NR3C2: variants seen among roughly 807,000 people sequenced by gnomAD.
NR3C2 encodes mineralocorticoid receptor.
NR3C2 carries 15 observed loss-of-function variants against 86.4 expected under a neutral mutation model. The ratio of observed to expected loss-of-function variants is 0.17; its 90% CI spans 0.12 to 0.27. NR3C2 has a LOEUF of 0.27. NR3C2 is among the 10% of genes least tolerant of loss of function. The pLI is 1.00. For missense variants in NR3C2, 960 were observed against 1,195.6 expected (o/e 0.80, Z 2.91); for synonymous variants, 458 against 450.5 (o/e 1.02, Z -0.21).
In NR3C2 at chr4:148,260,109, A is replaced by G; in HGVS notation, c.1766T>C (p.Leu589Ser). ...YIPENVSSST[L>S]RSVSTGSSRP... ...TGAAGATCCAGTAGAAACACTTCGT[A>G]AAGTAGAGCTGGGGAAAGAAATTGA... The change falls in exon 3 of 9, where the codon TTA becomes TCA. Residue 589 changes from leucine to serine, a missense_variant. By Grantham distance (145) the Leu-to-Ser change is moderately radical. This residue lies in a region of NR3C2 where 680 missense variants were observed against 719.0 expected (regional missense o/e 0.95). Coordinates refer to ENST00000358102, the MANE Select transcript of NR3C2 (RefSeq NM_000901.5). 2 of 1,614,062 alleles carry G rather than the reference A, an allele frequency of 1.2e-6. No homozygotes were observed. Among genetic ancestry groups the G allele is most frequent in the African/African-American group, 1.3e-5 (1 of 75,060 alleles).
At chr4:148,124,675 C>T (rs1732665358) in intron 6 of NR3C2, among the ~76,000 whole-genome samples, 1 of 152,120 alleles carries the variant, frequency 6.6e-6, no homozygotes, top group African/African-American at 2.4e-5. Flanking sequence ...CAAATATCAC[C>T]CCATCCTGTT....
intron 2 of NR3C2, among the ~76,000 whole-genome samples, chr4:148,400,797 AAAAAAAG>A (rs1748121297): frequency 2.0e-5 from 3 of 151,686 alleles, no homozygotes; most frequent in Non-Finnish European, 4.4e-5. Flanking sequence ...AAAAAAAAAA[AAAAAAAG>A]AGAGAGACTG....
chr4:148,108,485 A>G (rs1296346270), intron 8 of NR3C2, among the ~76,000 whole-genome samples: 1 of 152,128 alleles, frequency 6.6e-6, no homozygotes, highest in Non-Finnish European at 1.5e-5. Flanking sequence ...GTACCACCAG[A>G]TTTCTGTTCC....
rs541458374 is a variant in NR3C2 at position 148,194,337 on chromosome 4, T to C, written c.2014+409A>G. 2.0e-5 allele frequency among the ~76,000 whole-genome samples: 3 copies of C among 152,354 alleles called. No homozygotes were observed. The South Asian group carries it at 6.2e-4, about 32-fold the overall frequency. On this transcript the variant is annotated intron_variant, in intron 4 of 8. Transcript: ENST00000358102. ...TTTCAAAGCTTTTTTCATATATATC[T>C]TTCTTTATTACACATACTTCTAAAG... is the stretch of plus-strand genomic sequence containing the variant.
intron 2 of NR3C2, among the ~76,000 whole-genome samples, chr4:148,378,767 T>C (rs1746806252): frequency 2.0e-5 from 3 of 152,216 alleles, no homozygotes; most frequent in Admixed American, 2.0e-4. Flanking sequence ...TTAAACCTCT[T>C]TTCTTTATAA....
chr4:148,213,153 A>T (rs2149818552), intron 3 of NR3C2, among the ~76,000 whole-genome samples: 1 of 151,050 alleles, frequency 6.6e-6, no homozygotes, highest in Non-Finnish European at 1.5e-5. Flanking sequence ...TTTTTTTTAG[A>T]CAAGACCACA....
At chr4:148,375,743 A>G (rs1422298767) in intron 2 of NR3C2, among the ~76,000 whole-genome samples, 1 of 152,132 alleles carries the variant, frequency 6.6e-6, no homozygotes, top group Non-Finnish European at 1.5e-5. Context: ...GACACACCCT[A>G]CAGCTGAAAA....
At chr4:148,297,490 T>G (rs1182463641) in intron 2 of NR3C2, among the ~76,000 whole-genome samples, 2 of 152,336 alleles carry the variant, frequency 1.3e-5, no homozygotes, top group Admixed American at 1.3e-4. Context: ...CTGGGCATGG[T>G]GGCTCATGCC....
chr4:148,330,032 A>G (rs1028730272), intron 2 of NR3C2, among the ~76,000 whole-genome samples: 5 of 152,214 alleles, frequency 3.3e-5, no homozygotes, highest in African/African-American at 1.2e-4. Flanking sequence ...CTGCAATGCT[A>G]TTTTGGAGAT....
At chr4:148,366,424 G>A (rs72729965) in intron 2 of NR3C2, among the ~76,000 whole-genome samples, 26 of 1,558 alleles carry the variant, frequency 0.017, no homozygotes, top group African/African-American at 0.031. Context: ...TTCACTCCTT[G>A]AAAAAGAATA....
rs147458486 is a variant in NR3C2 at position 148,181,504 on chromosome 4, C to T, written c.2014+13242G>A. The stretch of plus-strand genomic sequence containing the variant: ...TTCAAAGGACTCATTCTTGGTCTAA[C>T]GGCTGGCTAAATTTAGTGCTATGCT... On this transcript the variant is annotated intron_variant, in intron 4 of 8. Transcript: ENST00000358102. 5.8e-3 allele frequency among the ~76,000 whole-genome samples: 889 copies of T among 152,280 alleles called. 9 individuals are homozygous for T. Among genetic ancestry groups the T allele is most frequent in the Non-Finnish European group, 8.6e-3 (584 of 68,012 alleles).
chr4:148,335,310 C>T (rs906369003), intron 2 of NR3C2, among the ~76,000 whole-genome samples: 1 of 152,162 alleles, frequency 6.6e-6, no homozygotes, highest in Non-Finnish European at 1.5e-5. Context: ...TATTTATCAA[C>T]ATCTATGAGA....
intron 8 of NR3C2, among the ~76,000 whole-genome samples, chr4:148,093,305 C>T (rs61763147): frequency 6.6e-6 from 1 of 152,242 alleles, no homozygotes. Context: ...GCTCTCCCTG[C>T]TCGCAAAGGA....
At chr4:148,234,205 T>C (rs528502895) in intron 3 of NR3C2, among the ~76,000 whole-genome samples, 10 of 152,346 alleles carry the variant, frequency 6.6e-5, no homozygotes, top group African/African-American at 2.4e-4. Context: ...GAATACACTG[T>C]AACAATATGT....
At position 148,415,769 on chromosome 4, in the gene NR3C2, G is replaced by T. The variant is rs571748452; in HGVS notation, c.1757+19335C>A. Among the ~76,000 whole-genome samples the T allele has an allele frequency of 5.9e-5, 9 of 152,248 alleles. No homozygotes were observed. The East Asian group carries it at 1.7e-3, about 29-fold the overall frequency. ...GATGATCTTGTTCTTACATGTGAGA[G>T]ATTTATTACACTCTCAAATAAAATC... On this transcript the variant is annotated intron_variant, in intron 2 of 8. Coordinates refer to ENST00000358102, the MANE Select transcript of NR3C2 (RefSeq NM_000901.5).
chr4:148,325,135 T>TGA (rs969743404), intron 2 of NR3C2, among the ~76,000 whole-genome samples: 158 of 123,314 alleles, frequency 1.3e-3, no homozygotes, highest in African/African-American at 5.5e-3. Flanking sequence ...GGAGAGAGAA[T>TGA]GAGAGAGAGA....
intron 2 of NR3C2, among the ~76,000 whole-genome samples, chr4:148,262,223 G>A (rs1425673965): frequency 1.3e-5 from 2 of 151,858 alleles, no homozygotes; most frequent in Admixed American, 6.6e-5. Flanking sequence ...ATTTTTATTC[G>A]ACATTTCTGT....
intron 4 of NR3C2, among the ~76,000 whole-genome samples, chr4:148,169,516 A>G (rs1184948239): frequency 6.6e-6 from 1 of 151,058 alleles, no homozygotes; most frequent in East Asian, 1.9e-4. Context: ...TTATATATAT[A>G]TAAAATCATG....
At chr4:148,161,535 A>G (rs1305140911) in intron 4 of NR3C2, among the ~76,000 whole-genome samples, 3 of 152,026 alleles carry the variant, frequency 2.0e-5, no homozygotes, top group Non-Finnish European at 4.4e-5. Flanking sequence ...AAATATTTTT[A>G]GTAGAGGCGG....
Sources: allele counts gnomAD v4.1 joint callset (sites outside exome capture counted in the v4.1 genomes callset), GRCh38; gene constraint gnomAD v4.1.1; regional missense constraint gnomAD v4.1.1; transcripts MANE v1.5; gene names NCBI Gene and HGNC (gene_info 2026-07-23, HGNC 2026-07-21).